TUB: variants seen among roughly 807,000 people sequenced by gnomAD.
TUB encodes TUB bipartite transcription factor, also known as tubby protein homolog.
Under a neutral mutation model 59.7 loss-of-function variants are expected in TUB, and 33 were observed. The observed-to-expected ratio is 0.55, with a 90% confidence interval of 0.42 to 0.74. TUB has a LOEUF of 0.74. Ranked by LOEUF, TUB falls within the 30% of genes least tolerant of loss-of-function variation. The probability of loss-of-function intolerance (pLI) is 0.00; values close to 1 mark genes in which losing one functional copy is unlikely to be tolerated. For synonymous variants in TUB, 293 were observed against 256.4 expected, an observed-to-expected ratio of 1.14 and a Z score of -1.36; for missense variants, 659 against 672.0, an observed-to-expected ratio of 0.98 and a Z score of 0.21.
intron 1 of TUB, among the ~76,000 whole-genome samples, chr11:8,085,091 G>C (rs1055692705): frequency 1.3e-5 from 2 of 152,174 alleles, no homozygotes; most frequent in African/African-American, 4.8e-5. Flanking sequence ...CTTCCGTTCT[G>C]CTGCTAGGTT....
chr11:8,081,303 C>A lies in TUB; in HGVS notation c.-208C>A. ...CGACCCGCGCACTCCCGGAGCTTCGCCCATCTCGCCTCGCCGCGCCGCGCA... is the reference window on the plus strand; with the variant it reads ...CGACCCGCGCACTCCCGGAGCTTCGACCATCTCGCCTCGCCGCGCCGCGCA... On this transcript the variant is annotated 5_prime_UTR_variant, in exon 1 of 12. Transcript: ENST00000299506. The A allele has an allele frequency of 1.1e-6, 1 of 912,858 alleles. No homozygotes were observed. The highest frequency in any genetic ancestry group is 1.3e-6 in the Non-Finnish European group (1 of 763,908). 56.5% of individuals were successfully genotyped at this position (912,858 alleles called of 1,614,324 possible). A position where few individuals can be genotyped will look rare whatever the true frequency, so the allele number is the denominator to read the frequency against.
In TUB at chr11:8,040,044, C is replaced by T. The variant is rs1942721703; in HGVS notation, c.203+352C>T. On this transcript the variant is annotated intron_variant, in intron 2 of 12. Coordinates refer to the TUB transcript ENST00000305253. The stretch of plus-strand genomic sequence containing the variant: ...CTTCTCAGAAAGGAGGTGTCCTCTA[C>T]ATGTGGTCACACCATAGCCTAGGAC... Among the ~76,000 whole-genome samples, 3 of 152,160 alleles carry T rather than the reference C, an allele frequency of 2.0e-5. No homozygotes were observed. In the South Asian group the frequency reaches 6.2e-4, roughly 32 times the overall value.
chr11:8,078,701 G>T (rs1943490173), upstream of TUB, among the ~76,000 whole-genome samples: 1 of 151,988 alleles, frequency 6.6e-6, no homozygotes, highest in Non-Finnish European at 1.5e-5. Context: ...AGACTGCAGG[G>T]CCATCTCTCA....
upstream of TUB, among the ~76,000 whole-genome samples, chr11:8,081,018 G>A (rs1564913415): frequency 6.6e-6 from 1 of 152,184 alleles, no homozygotes; most frequent in South Asian, 2.1e-4. Flanking sequence ...CTGGGGACTG[G>A]CCCGGCTGCA....
chr11:8,088,628 C>T lies in TUB; in HGVS notation c.39-982C>T, dbSNP rs376428106. The stretch of plus-strand genomic sequence containing the variant: ...TTCAGAATAACTGGGCCAGGGCCGC[C>T]TGGGGCTTCCCCAGAGCTCAGATCC... On this transcript the variant is annotated intron_variant, in intron 1 of 11. Transcript: ENST00000299506. Among the ~76,000 whole-genome samples the T allele has an allele frequency of 9.2e-5, 14 of 152,376 alleles. No individual in the cohort carries two copies. The East Asian group carries it at 2.3e-3, about 25-fold the overall frequency.
At chr11:8,091,239 C>A (rs1386130845) in intron 3 of TUB, among the ~76,000 whole-genome samples, 1 of 152,144 alleles carries the variant, frequency 6.6e-6, no homozygotes, top group Non-Finnish European at 1.5e-5. Context: ...CTCCCTGAGC[C>A]CTTTGTCTGC....
chr11:8,082,857 G>A (rs534736199), intron 1 of TUB, among the ~76,000 whole-genome samples: 16 of 152,244 alleles, frequency 1.1e-4, no homozygotes, highest in Non-Finnish European at 2.1e-4. Context: ...GGGGATTCAG[G>A]GGTTTCCAGG....
chr11:8,100,436 T>G (rs999148089), intron 9 of TUB, 67 bp from the exon 10 acceptor site: 1 of 1,261,740 alleles, frequency 7.9e-7, no homozygotes, highest in Non-Finnish European at 1.2e-6. Context: ...TTTATTCCCG[T>G]CCCCCCCACC....
At chr11:8,039,704 G>T in intron 2 of TUB, 1 of 1,527,962 alleles carries the variant, frequency 6.5e-7, no homozygotes. Context: ...TGAGCTGGAG[G>T]GGAGGAGGGC....
chr11:8,052,740 G>A (rs905762283), intron 2 of TUB, among the ~76,000 whole-genome samples: 2 of 152,270 alleles, frequency 1.3e-5, no homozygotes, highest in African/African-American at 2.4e-5. Context: ...CTCACAAAGT[G>A]CTGGGATTAC....
At chr11:8,100,331 G>C (rs1944216403) in intron 9 of TUB, among the ~76,000 whole-genome samples, 172 bp from the exon 10 acceptor site, 1 of 152,168 alleles carries the variant, frequency 6.6e-6, no homozygotes, top group Non-Finnish European at 1.5e-5. Context: ...AGTTCTGGCA[G>C]GGTAGAGACC....
chr11:8,032,522 A>G (rs189868112), intron 1 of TUB, among the ~76,000 whole-genome samples: 1 of 152,314 alleles, frequency 6.6e-6, no homozygotes, highest in Admixed American at 6.5e-5. Flanking sequence ...AATGTTGTCT[A>G]TGGCTGCTTT....
chr11:8,034,843 C>T (rs1248319180), upstream of TUB, among the ~76,000 whole-genome samples: 1 of 152,202 alleles, frequency 6.6e-6, no homozygotes, highest in Non-Finnish European at 1.5e-5. Flanking sequence ...CTCACTATCA[C>T]CCTGTATGGA....
Position 8,081,366 on chromosome 11 carries a change from G to C in TUB, c.-145G>C. ...CAGAGCCAGCAGCCGGGGCCCTGGCGTGCAGCGCGGGCCTCGGCGGGGCCC... is the reference window on the plus strand; with the variant it reads ...CAGAGCCAGCAGCCGGGGCCCTGGCCTGCAGCGCGGGCCTCGGCGGGGCCC... On this transcript the variant is annotated 5_prime_UTR_variant, in exon 1 of 12. Transcript: ENST00000299506. The C allele has an allele frequency of 1.0e-6, 1 of 989,724 alleles. No homozygotes were observed. The highest frequency in any genetic ancestry group is 1.2e-6 in the Non-Finnish European group (1 of 833,496). The allele number at this position is 989,724 out of a possible 1,614,324, so 61.3% of individuals were successfully genotyped here. A position where few individuals can be genotyped will look rare whatever the true frequency, so the allele number is the denominator to read the frequency against.
intron 2 of TUB, among the ~76,000 whole-genome samples, chr11:8,071,180 C>T (rs965916648): frequency 1.3e-5 from 2 of 152,130 alleles, no homozygotes; most frequent in African/African-American, 4.8e-5. Context: ...GTGCATCCTG[C>T]GCTGCCATCT....
Position 8,097,717 on chromosome 11 carries a change from T to C in TUB, c.889T>C (p.Phe297Leu), listed in dbSNP as rs931275747. 37 of 1,612,918 alleles carry C rather than the reference T, an allele frequency of 2.3e-5. No homozygotes were observed. Among genetic ancestry groups the C allele is most frequent in the Non-Finnish European group, 3.1e-5 (37 of 1,179,184 alleles). The change falls in exon 8 of 12, where the codon TTC (phenylalanine) becomes CTC (leucine). Residue 297 changes from phenylalanine (F) to leucine (L), a missense_variant. By Grantham distance (22) the Phe-to-Leu change is conservative. Transcript: ENST00000299506. ...TGACCTCATTCCACTCCCCAAGGTG[T>C]TCCTCCTGGCGGGAAGGAAGAGAAA... ...HLDREDGKKV[F>L]LLAGRKRKKS...
Position 8,101,834 on chromosome 11 carries a change from GGATGAGAAT to G in TUB, c.*216_*224del. On this transcript the variant is annotated 3_prime_UTR_variant, in exon 12 of 12. Coordinates refer to ENST00000299506, the MANE Select transcript of TUB (RefSeq NM_177972.3). ...GGAGAGCGGGTGGGTGGGTGTGAAG[GGATGAGAAT>G]AATTCTTTCCATGCCACGAGATCAA... 7.1e-6 allele frequency: 5 copies of G among 703,218 alleles called. No individual in the cohort carries two copies. The highest frequency in any genetic ancestry group is 4.1e-5 in the South Asian group (2 of 48,488). The allele number at this position is 703,218 out of a possible 1,614,324, so 43.6% of individuals were successfully genotyped here.
At chr11:8,057,626 C>A (rs1943040768) in intron 2 of TUB, among the ~76,000 whole-genome samples, 2 of 27,910 alleles carry the variant, frequency 7.2e-5, no homozygotes, top group African/African-American at 1.4e-4. Flanking sequence ...GGTAATTACC[C>A]TCCTTATCTT....
chr11:8,058,661 C>G (rs972227182), intron 2 of TUB, among the ~76,000 whole-genome samples: 15 of 152,210 alleles, frequency 9.9e-5, no homozygotes, highest in African/African-American at 3.4e-4. Flanking sequence ...TCACTCCGAC[C>G]ACCAGTGAAG....
Sources: allele counts gnomAD v4.1 joint callset (sites outside exome capture counted in the v4.1 genomes callset), GRCh38; gene constraint gnomAD v4.1.1; transcripts MANE v1.5; gene names NCBI Gene and HGNC (gene_info 2026-07-23, HGNC 2026-07-21).